Variants in PTPN3 observed in about 807,000 individuals in gnomAD.
The protein encoded by PTPN3 is tyrosine-protein phosphatase non-receptor type 3.
In PTPN3, 96 loss-of-function variants were observed where a neutral mutation model predicts 132.7. That is an observed-to-expected ratio of 0.72 (90% CI 0.61 to 0.86). The LOEUF (loss-of-function observed/expected upper bound fraction) is 0.86, where lower values mean the gene tolerates loss of function less well. Ranked by LOEUF, PTPN3 falls within the 40% of genes least tolerant of loss-of-function variation. The probability of loss-of-function intolerance (pLI) is 0.00; values close to 1 mark genes in which losing one functional copy is unlikely to be tolerated. For synonymous variants in PTPN3, 398 were observed against 429.0 expected (o/e 0.93, Z 0.89); for missense variants, 1,125 against 1,159.6 (o/e 0.97, Z 0.43).
At chr9:109,445,404 AAAC>A (rs1430327545) in intron 6 of PTPN3, 112 bp from the exon 7 acceptor site, 2 of 981,802 alleles carry the variant, frequency 2.0e-6, no homozygotes, top group Non-Finnish European at 3.2e-6. Flanking sequence ...AACCATTACA[AAAC>A]AACATGAATT....
At chr9:109,450,834 A>G in intron 5 of PTPN3, 1 of 985,466 alleles carries the variant, frequency 1.0e-6, no homozygotes, top group Non-Finnish European at 1.2e-6. Context: ...CCTCAACTTC[A>G]GAAAAATGTA....
the PTPN3 span, chr9:109,534,150 CA>C: frequency 1.2e-6 from 1 of 837,808 alleles, no homozygotes. Flanking sequence ...TTACTGTTCC[CA>C]AAACCTTCGT....
rs1474099574 is a variant in PTPN3 at position 109,418,976 on chromosome 9, G to A, written c.1313+1448C>T. ...AGAGCCCCCACTGCAGACTCAAAAC[G>A]GCTCTAGTCACGCATGCCTGCACTC... On this transcript the variant is annotated intron_variant, in intron 14 of 25. Transcript: ENST00000374541. Among the ~76,000 whole-genome samples, 4 of 152,156 alleles carry A rather than the reference G, an allele frequency of 2.6e-5. No individual in the cohort carries two copies. In the South Asian group the frequency reaches 8.3e-4, roughly 32 times the overall value.
chr9:109,379,238 C>A lies in PTPN3; in HGVS notation c.*318G>T. 3.6e-6 allele frequency: 1 copy of A among 276,766 alleles called. No homozygotes were observed. The highest frequency in any genetic ancestry group is 6.8e-6 in the Non-Finnish European group (1 of 147,198). The allele number at this position is 276,766 out of a possible 1,614,324, so 17.1% of individuals were successfully genotyped here. ...GACAACAGCTCTGTGGGTGTCCGGT[C>A]TCAATTGCTCCAGGATGCCGACAGG... On this transcript the variant is annotated 3_prime_UTR_variant, in exon 26 of 26. Coordinates refer to ENST00000374541, the MANE Select transcript of PTPN3 (RefSeq NM_002829.4).
chr9:109,382,535 T>C, intron 23 of PTPN3, 88 bp from the exon 24 acceptor site: 1 of 1,451,256 alleles, frequency 6.9e-7, no homozygotes, highest in Non-Finnish European at 9.6e-7. Flanking sequence ...TGGCCCTGTC[T>C]CCTGATGCTT....
chr9:109,536,881 T>C, the PTPN3 span, among the ~76,000 whole-genome samples: 1 of 152,188 alleles, frequency 6.6e-6, no homozygotes, highest in Non-Finnish European at 1.5e-5. Context: ...ATTTTAGTGA[T>C]ATTCAATTTT....
chr9:109,533,126 A>ATTTTTTTTTT, the PTPN3 span, among the ~76,000 whole-genome samples: 35 of 36,554 alleles, frequency 9.6e-4, 6 homozygotes, highest in East Asian at 3.2e-3. Flanking sequence ...TACCTGGCTA[A>ATTTTTTTTTT]TTTTTTTTTT....
intron 8 of PTPN3, among the ~76,000 whole-genome samples, chr9:109,437,346 C>T (rs867899236): frequency 2.0e-5 from 3 of 152,310 alleles, no homozygotes; most frequent in Middle Eastern, 3.4e-3. Flanking sequence ...AACTTTCAAA[C>T]GCCACTGGCC....
At chr9:109,511,888 A>G in the PTPN3 span, among the ~76,000 whole-genome samples, 1 of 152,302 alleles carries the variant, frequency 6.6e-6, no homozygotes, top group South Asian at 2.1e-4. Flanking sequence ...TAGGGGAGAG[A>G]CATTGTTGGC....
intron 16 of PTPN3, 67 bp from the exon 17 acceptor site, chr9:109,408,444 A>G (rs1037266276): frequency 1.5e-6 from 2 of 1,312,846 alleles, no homozygotes; most frequent in Non-Finnish European, 2.1e-6. Flanking sequence ...AAACAAAAAA[A>G]CGAGTAGCTC....
the PTPN3 span, among the ~76,000 whole-genome samples, chr9:109,523,025 A>T: frequency 6.6e-6 from 1 of 152,124 alleles, no homozygotes; most frequent in Admixed American, 6.5e-5. Flanking sequence ...GGATAATAGC[A>T]ATACCTATTT....
intron 5 of PTPN3, chr9:109,449,638 C>A: frequency 1.0e-6 from 1 of 985,404 alleles, no homozygotes; most frequent in Non-Finnish European, 1.2e-6. Context: ...TTTAGGGATG[C>A]GGCATACATG....
At chr9:109,511,822 G>T in the PTPN3 span, among the ~76,000 whole-genome samples, 2 of 152,202 alleles carry the variant, frequency 1.3e-5, no homozygotes, top group East Asian at 3.8e-4. Context: ...ATTATTTTAA[G>T]ATAGTGGTTC....
At chr9:109,423,247 TGG>T (rs1438920802) in intron 12 of PTPN3, among the ~76,000 whole-genome samples, 1 of 152,244 alleles carries the variant, frequency 6.6e-6, no homozygotes, top group Non-Finnish European at 1.5e-5. Flanking sequence ...TCATCCTAGC[TGG>T]CAGGAGCTGT....
At position 109,426,955 on chromosome 9, in the gene PTPN3, G is replaced by A. The variant is rs763585269; in HGVS notation, c.996C>T (p.Thr332=). Residue 332 remains threonine (T), a synonymous_variant, in exon 12 of 26, where the codon ACC becomes ACT. Transcript: ENST00000374541. ...AGTCTTTACAGCACACTCACTTTTT[G>A]GTGTTCCGAGAGCCCATAGTCCAGT... ...SQYWTMGSRN[T]KKSVNNQYCK... 1 of 1,608,782 alleles carries A rather than the reference G, an allele frequency of 6.2e-7. No individual in the cohort carries two copies. Among genetic ancestry groups the A allele is most frequent in the African/African-American group, 1.3e-5 (1 of 74,592 alleles).
At chr9:109,521,197 C>T in the PTPN3 span, among the ~76,000 whole-genome samples, 87 of 152,076 alleles carry the variant, frequency 5.7e-4, no homozygotes, top group Non-Finnish European at 1.1e-3. Context: ...TTCCCTCTGT[C>T]GCCCAGGCTG....
At chr9:109,459,874 C>G (rs562535068) in intron 2 of PTPN3, among the ~76,000 whole-genome samples, 1 of 152,202 alleles carries the variant, frequency 6.6e-6, no homozygotes. Context: ...TTAGTGCCTG[C>G]TCCTCACCTC....
chr9:109,410,660 T>C (rs186529822), intron 14 of PTPN3, among the ~76,000 whole-genome samples: 282 of 152,252 alleles, frequency 1.9e-3, no homozygotes, highest in Non-Finnish European at 2.9e-3. Flanking sequence ...TGGAAACTGC[T>C]GAAAACTTTG....
At chr9:109,398,200 T>C (rs1167161178) in intron 19 of PTPN3, among the ~76,000 whole-genome samples, 1 of 152,110 alleles carries the variant, frequency 6.6e-6, no homozygotes, top group Non-Finnish European at 1.5e-5. Flanking sequence ...CTTGAATCAC[T>C]TGAACGTGGG....
Sources: allele counts gnomAD v4.1 joint callset (sites outside exome capture counted in the v4.1 genomes callset), GRCh38; gene constraint gnomAD v4.1.1; transcripts MANE v1.5; gene names NCBI Gene and HGNC (gene_info 2026-07-23, HGNC 2026-07-21).